The following RBFOX1 variants were observed in gnomAD, a reference collection of about 807,000 sequenced individuals.
The protein encoded by RBFOX1 is RNA binding protein fox-1 homolog 1.
A neutral mutation model predicts 57.7 loss-of-function variants in RBFOX1; 8 were observed. The ratio of observed to expected loss-of-function variants is 0.14; its 90% CI spans 0.08 to 0.25. RBFOX1 has a LOEUF of 0.25. Ranked by LOEUF, RBFOX1 falls within the 10% of genes least tolerant of loss-of-function variation. RBFOX1 has a pLI of 1.00. For synonymous variants in RBFOX1, 326 were observed against 222.4 expected, an observed-to-expected ratio of 1.47 and a Z score of -4.15; for missense variants, 611 against 548.5, an observed-to-expected ratio of 1.11 and a Z score of -1.14.
At chr16:5,997,539 C>T (rs1053660033) in intron 4 of RBFOX1, among the ~76,000 whole-genome samples, 49 of 152,174 alleles carry the variant, frequency 3.2e-4, no homozygotes, top group African/African-American at 1.1e-3. Context: ...CATAGTACTT[C>T]TTGGTAGCTT....
chr16:5,438,242 A>G lies in RBFOX1; in HGVS notation c.220-28974A>G, dbSNP rs139610949. Among the ~76,000 whole-genome samples, 62 of 152,142 alleles carry G rather than the reference A, an allele frequency of 4.1e-4. No individual in the cohort carries two copies. In the East Asian group the frequency reaches 0.011, roughly 27 times the overall value. On this transcript the variant is annotated intron_variant, in intron 1 of 2. Coordinates refer to the RBFOX1 transcript ENST00000585867. The stretch of plus-strand genomic sequence containing the variant: ...ACGTGGGGAAGTTGTGATCACCCTC[A>G]CTCCCATCCAGTCATCACCTAAGTT...
At chr16:5,327,084 G>T (rs1445377289) in intron 1 of RBFOX1, among the ~76,000 whole-genome samples, 2 of 152,228 alleles carry the variant, frequency 1.3e-5, no homozygotes, top group African/African-American at 4.8e-5. Flanking sequence ...GAGATCGGTA[G>T]TTCTGACCGA....
intron 4 of RBFOX1, among the ~76,000 whole-genome samples, chr16:7,132,549 C>T (rs1166992469): frequency 1.3e-5 from 2 of 149,106 alleles, no homozygotes; most frequent in African/African-American, 5.0e-5. Flanking sequence ...TGGTGCCTTG[C>T]ATAATGGTGA....
intron 1 of RBFOX1, among the ~76,000 whole-genome samples, chr16:6,099,681 A>G (rs1233964717): frequency 6.6e-6 from 1 of 152,126 alleles, no homozygotes; most frequent in Non-Finnish European, 1.5e-5. Flanking sequence ...TCACTTCACA[A>G]ACAGAGTCAC....
At chr16:6,774,983 A>G (rs1024504537) in intron 3 of RBFOX1, among the ~76,000 whole-genome samples, 1 of 152,096 alleles carries the variant, frequency 6.6e-6, no homozygotes, top group Non-Finnish European at 1.5e-5. Flanking sequence ...AAGAATGAAT[A>G]TGTATCTTTA....
chr16:5,436,565 G>C (rs1260533409), intron 1 of RBFOX1, among the ~76,000 whole-genome samples: 1 of 152,180 alleles, frequency 6.6e-6, no homozygotes, highest in Non-Finnish European at 1.5e-5. Flanking sequence ...TTCTGGCCAG[G>C]CATGGTGGTT....
At chr16:7,408,632 A>C (rs1051905208) in intron 4 of RBFOX1, among the ~76,000 whole-genome samples, 1 of 152,228 alleles carries the variant, frequency 6.6e-6, no homozygotes, top group African/African-American at 2.4e-5. Flanking sequence ...AGGAGCAATC[A>C]AGGCTGCTAT....
chr16:7,097,984 G>A (rs543092742), intron 4 of RBFOX1, among the ~76,000 whole-genome samples: 28 of 152,296 alleles, frequency 1.8e-4, no homozygotes, highest in Admixed American at 3.3e-4. Context: ...GTTGTGAGGA[G>A]TTTCAAGAAT....
At chr16:6,961,378 C>T (rs1031380696) in intron 3 of RBFOX1, among the ~76,000 whole-genome samples, 1 of 152,108 alleles carries the variant, frequency 6.6e-6, no homozygotes, top group Non-Finnish European at 1.5e-5. Context: ...TAGTAATTTC[C>T]CAGCGCTGCT....
At chr16:6,801,761 G>A (rs1603626549) in intron 3 of RBFOX1, among the ~76,000 whole-genome samples, 1 of 152,216 alleles carries the variant, frequency 6.6e-6, no homozygotes. Flanking sequence ...ACAGGGAGAA[G>A]GTCTGGAAAA....
intron 3 of RBFOX1, among the ~76,000 whole-genome samples, chr16:6,956,392 A>G (rs1418741259): frequency 1.3e-5 from 2 of 152,220 alleles, no homozygotes; most frequent in East Asian, 1.9e-4. Flanking sequence ...CTCAAGGGGA[A>G]TGAGCAGGCT....
intron 3 of RBFOX1, among the ~76,000 whole-genome samples, chr16:6,813,079 A>G (rs1293111152): frequency 6.6e-6 from 1 of 151,962 alleles, no homozygotes; most frequent in Non-Finnish European, 1.5e-5. Context: ...TATGAAGAAA[A>G]CCATGAATAT....
chr16:5,955,356 A>AAAAAT (rs71142658), intron 4 of RBFOX1, among the ~76,000 whole-genome samples: 7 of 27,222 alleles, frequency 2.6e-4, no homozygotes, highest in South Asian at 2.4e-3. Context: ...TAAAATAAAT[A>AAAAAT]AAAATAAAAT....
At chr16:6,634,886 T>A (rs1035708481) in intron 2 of RBFOX1, among the ~76,000 whole-genome samples, 17 of 137,926 alleles carry the variant, frequency 1.2e-4, no homozygotes, top group Middle Eastern at 0.01. Flanking sequence ...ATATTATAAA[T>A]TAAAAATACA....
chr16:6,177,862 A>C (rs2097025496), intron 1 of RBFOX1, among the ~76,000 whole-genome samples: 1 of 151,468 alleles, frequency 6.6e-6, no homozygotes, highest in Non-Finnish European at 1.5e-5. Context: ...ATTTGAGACC[A>C]CAGCTACATC....
chr16:5,457,275 T>C (rs2068659221), intron 1 of RBFOX1, among the ~76,000 whole-genome samples: 1 of 152,128 alleles, frequency 6.6e-6, no homozygotes, highest in Non-Finnish European at 1.5e-5. Context: ...ACTGGGACTA[T>C]AGGCATGCAC....
chr16:7,477,054 T>G (rs928750133), intron 4 of RBFOX1, among the ~76,000 whole-genome samples: 3 of 152,282 alleles, frequency 2.0e-5, no homozygotes, highest in Middle Eastern at 3.4e-3. Flanking sequence ...GGTAACATGT[T>G]CCTTAACAGC....
At chr16:6,917,857 C>A (rs1003008370) in intron 3 of RBFOX1, among the ~76,000 whole-genome samples, 1 of 152,222 alleles carries the variant, frequency 6.6e-6, no homozygotes, top group East Asian at 1.9e-4. Context: ...TGTCAGAAAT[C>A]CTGGAAAAAT....
At chr16:7,223,488 A>T (rs1283754039) in intron 4 of RBFOX1, among the ~76,000 whole-genome samples, 3 of 152,218 alleles carry the variant, frequency 2.0e-5, no homozygotes, top group African/African-American at 7.2e-5. Flanking sequence ...AGAATATTAT[A>T]GGTTATGCTT....
Sources: gnomAD v4.1 joint callset for allele counts (sites outside exome capture counted in the v4.1 genomes callset) on GRCh38, gnomAD v4.1.1 for gene constraint, MANE v1.5 for transcripts, NCBI Gene and HGNC (gene_info 2026-07-23, HGNC 2026-07-21) for gene names.